Variants in CYP2J2 observed in about 807,000 individuals in gnomAD.
The protein encoded by CYP2J2 is cytochrome P450 2J2.
Under a neutral mutation model 48.8 loss-of-function variants are expected in CYP2J2, and 41 were observed. That is an observed-to-expected ratio of 0.84 (90% CI 0.66 to 1.09). CYP2J2 has a LOEUF of 1.09. CYP2J2 is among the 50% of genes least tolerant of loss of function. The pLI is 0.00. For synonymous variants in CYP2J2, 221 were observed against 227.1 expected, an observed-to-expected ratio of 0.97 and a Z score of 0.24; for missense variants, 644 against 617.3, an observed-to-expected ratio of 1.04 and a Z score of -0.46.
At chr1:59,938,867 T>C in the CYP2J2 span, among the ~76,000 whole-genome samples, 1 of 152,230 alleles carries the variant, frequency 6.6e-6, no homozygotes, top group African/African-American at 2.4e-5. Flanking sequence ...CCGCAGTGCA[T>C]TGTGCCCCTG....
chr1:59,931,000 G>T (rs1644600311), upstream of CYP2J2, among the ~76,000 whole-genome samples: 1 of 152,118 alleles, frequency 6.6e-6, no homozygotes, highest in South Asian at 2.1e-4. Context: ...TTCCAGTCCA[G>T]TGTGAATGGA....
intron 1 of CYP2J2, among the ~76,000 whole-genome samples, chr1:59,923,238 A>C (rs553383106): frequency 6.6e-6 from 1 of 152,238 alleles, no homozygotes; most frequent in African/African-American, 2.4e-5. Context: ...GTGGGTAATA[A>C]AAGTGGAGTA....
the CYP2J2 span, among the ~76,000 whole-genome samples, chr1:59,962,973 T>C: frequency 6.6e-6 from 1 of 152,188 alleles, no homozygotes. Flanking sequence ...GACACCATCT[T>C]TTTGAATATT....
At chr1:59,911,580 C>A (rs1329894526) in intron 4 of CYP2J2, 28 bp downstream of exon 4, 7 of 1,509,946 alleles carry the variant, frequency 4.6e-6, no homozygotes, top group South Asian at 2.7e-5. Flanking sequence ...ATTTACTGAA[C>A]AAAGATATGG....
intron 8 of CYP2J2, among the ~76,000 whole-genome samples, chr1:59,899,489 T>C (rs1050561839): frequency 6.6e-6 from 1 of 152,186 alleles, no homozygotes. Context: ...TTTCTGAGCC[T>C]CAGTGTCATT....
intron 1 of CYP2J2, among the ~76,000 whole-genome samples, chr1:59,925,721 C>T (rs1317754827): frequency 6.6e-6 from 1 of 152,178 alleles, no homozygotes; most frequent in Non-Finnish European, 1.5e-5. Context: ...GTTTAAAGTA[C>T]TGCAGGCATG....
At chr1:59,934,022 C>T in the CYP2J2 span, among the ~76,000 whole-genome samples, 1 of 152,112 alleles carries the variant, frequency 6.6e-6, no homozygotes, top group African/African-American at 2.4e-5. Context: ...AAATCTGATA[C>T]TGGCATAAAG....
At chr1:59,905,383 A>AG (rs1644356700) in intron 6 of CYP2J2, among the ~76,000 whole-genome samples, 1 of 152,226 alleles carries the variant, frequency 6.6e-6, no homozygotes, top group African/African-American at 2.4e-5. Context: ...CTTACATAGT[A>AG]GAAGGAGTGA....
intron 1 of CYP2J2, among the ~76,000 whole-genome samples, chr1:59,921,167 G>T (rs1360590381): frequency 6.6e-6 from 1 of 152,180 alleles, no homozygotes; most frequent in Non-Finnish European, 1.5e-5. Context: ...AATGTCTGTT[G>T]AGTGAATAAA....
rs760645970 is a variant in CYP2J2, at chr1:59,909,855, T to C, written c.790A>G (p.Lys264Glu). ...GCAGGATTCCAATCCTTTCTGTGTT[T>C]GTCAATCATATGAGAAACAAACAAT... Reference protein sequence around the residue: ...LKLFVSHMIDKHRKDWNPAET... With the variant: ...LKLFVSHMIDEHRKDWNPAET... The change falls in exon 5 of 9, where the codon AAA becomes GAA. Residue 264 changes from lysine to glutamate, a missense_variant. Physicochemically the swap from Lys to Glu is moderately conservative, Grantham distance 56 (BLOSUM62 1). Coordinates refer to ENST00000371204, the MANE Select transcript of CYP2J2 (RefSeq NM_000775.4). 2.5e-6 allele frequency: 4 copies of C among 1,612,664 alleles called. No individual in the cohort carries two copies. In the Admixed American group the frequency reaches 6.7e-5, roughly 27 times the overall value.
At chr1:59,908,395 A>G (rs571468474) in intron 5 of CYP2J2, among the ~76,000 whole-genome samples, 21 of 152,320 alleles carry the variant, frequency 1.4e-4, no homozygotes, top group African/African-American at 4.8e-4. Context: ...GCAAATACTC[A>G]ACAAACATTT....
At chr1:59,911,544 C>A in intron 4 of CYP2J2, 64 bp downstream of exon 4, 1 of 1,216,714 alleles carries the variant, frequency 8.2e-7, no homozygotes, top group East Asian at 2.7e-5. Context: ...AAAGGAAAAA[C>A]CCATCTGTGG....
intron 1 of CYP2J2, among the ~76,000 whole-genome samples, chr1:59,922,709 A>G (rs1644528784): frequency 6.6e-6 from 1 of 152,228 alleles, no homozygotes; most frequent in Admixed American, 6.5e-5. Context: ...ACTTCTATTA[A>G]TCATGACACC....
chr1:59,901,155 C>T, intron 7 of CYP2J2, 52 bp from the exon 8 acceptor site: 1 of 1,590,210 alleles, frequency 6.3e-7, no homozygotes, highest in Non-Finnish European at 8.6e-7. Flanking sequence ...AAAAAGCACA[C>T]CTATGCAGAG....
intron 2 of CYP2J2, 62 bp downstream of exon 2, chr1:59,915,876 C>T: frequency 2.0e-6 from 3 of 1,509,072 alleles, no homozygotes; most frequent in South Asian, 1.4e-5. Context: ...ACCAAGGTGC[C>T]TTTAACAGAT....
At chr1:59,899,505 C>CA (rs552468447) in intron 8 of CYP2J2, among the ~76,000 whole-genome samples, 109 of 152,264 alleles carry the variant, frequency 7.2e-4, no homozygotes, top group Middle Eastern at 3.4e-3. Flanking sequence ...TCATTCTCAG[C>CA]AAAATGATCT....
the CYP2J2 span, among the ~76,000 whole-genome samples, chr1:59,936,673 T>G: frequency 6.6e-6 from 1 of 152,144 alleles, no homozygotes; most frequent in Non-Finnish European, 1.5e-5. Context: ...TTTACTTTTG[T>G]TTTTTTCCCC....
intron 8 of CYP2J2, among the ~76,000 whole-genome samples, chr1:59,900,403 C>A (rs192725989): frequency 6.6e-5 from 10 of 152,152 alleles, no homozygotes; most frequent in Non-Finnish European, 1.2e-4. Flanking sequence ...GAGGCCGAGG[C>A]GGGTGGATCA....
the CYP2J2 span, among the ~76,000 whole-genome samples, chr1:59,950,960 A>G: frequency 6.6e-6 from 1 of 152,202 alleles, no homozygotes; most frequent in Non-Finnish European, 1.5e-5. Flanking sequence ...CTGGACCAGC[A>G]TAGCACCACT....
Sources: allele counts gnomAD v4.1 joint callset (sites outside exome capture counted in the v4.1 genomes callset), GRCh38; gene constraint gnomAD v4.1.1; transcripts MANE v1.5; gene names NCBI Gene and HGNC (gene_info 2026-07-23, HGNC 2026-07-21).